Variants in SLC49A4 observed in about 807,000 individuals in gnomAD.
The protein encoded by SLC49A4 is disrupted in renal cancer protein 2.
Under a neutral mutation model 50.6 loss-of-function variants are expected in SLC49A4, and 36 were observed. The ratio of observed to expected loss-of-function variants is 0.71; its 90% CI spans 0.55 to 0.94. SLC49A4 has a LOEUF of 0.94. Among genes scored for constraint, SLC49A4 ranks in the 40% least tolerant of loss-of-function variants. The probability of loss-of-function intolerance (pLI) is 0.00; values close to 1 mark genes in which losing one functional copy is unlikely to be tolerated. For missense variants in SLC49A4, 503 were observed against 605.7 expected (o/e 0.83, Z 1.78); for synonymous variants, 248 against 241.2 (o/e 1.03, Z -0.26).
chr3:122,844,797 AT>A lies in SLC49A4; in HGVS notation c.834-963del, dbSNP rs1486204539. On this transcript the variant is annotated intron_variant, in intron 4 of 8. Transcript: ENST00000261038. ...AACTCCATCTTCAAAAAAAAAAAAA[AT>A]TTCAAGAAGCTTGAATTTATTAACT... 2.0e-5 allele frequency among the ~76,000 whole-genome samples: 3 copies of A among 151,828 alleles called. No homozygotes were observed. The East Asian group carries it at 5.8e-4, about 29-fold the overall frequency.
chr3:122,818,668 G>A (rs1276786504), intron 2 of SLC49A4, among the ~76,000 whole-genome samples: 2 of 152,266 alleles, frequency 1.3e-5, no homozygotes, highest in East Asian at 3.9e-4. Context: ...GAGAAACTGG[G>A]CTTGTTGGCT....
At chr3:122,858,923 T>A (rs1254178172) in intron 6 of SLC49A4, among the ~76,000 whole-genome samples, 2 of 152,198 alleles carry the variant, frequency 1.3e-5, no homozygotes. Context: ...CCCTTTAGTT[T>A]CATGAAAACT....
At chr3:122,835,560 A>T (rs1936669099) in intron 4 of SLC49A4, among the ~76,000 whole-genome samples, 1 of 152,058 alleles carries the variant, frequency 6.6e-6, no homozygotes, top group South Asian at 2.1e-4. Context: ...GCATCTCTTT[A>T]TGATAAAAAA....
intron 8 of SLC49A4, among the ~76,000 whole-genome samples, chr3:122,873,147 G>A (rs16833623): frequency 0.024 from 3,699 of 151,996 alleles, 138 homozygotes; most frequent in African/African-American, 0.082. Flanking sequence ...AATAATAACC[G>A]TGCTAACCTC....
At chr3:122,816,759 A>T (rs962505222) in intron 2 of SLC49A4, among the ~76,000 whole-genome samples, 28 of 152,162 alleles carry the variant, frequency 1.8e-4, no homozygotes, top group African/African-American at 6.5e-4. Flanking sequence ...TTGACAGTAT[A>T]GTCAACAGCC....
chr3:122,817,469 T>C (rs1031352353), intron 2 of SLC49A4, among the ~76,000 whole-genome samples: 10 of 152,350 alleles, frequency 6.6e-5, no homozygotes, highest in African/African-American at 2.4e-4. Flanking sequence ...GTATGTATTA[T>C]TTTAACCACT....
At chr3:122,795,908 T>TG (rs1488808568) in intron 1 of SLC49A4, among the ~76,000 whole-genome samples, 1 of 152,092 alleles carries the variant, frequency 6.6e-6, no homozygotes, top group Non-Finnish European at 1.5e-5. Flanking sequence ...ATGGGGATGT[T>TG]GAGGATGAAA....
At chr3:122,851,858 T>C (rs1213021619) in intron 5 of SLC49A4, among the ~76,000 whole-genome samples, 1 of 152,198 alleles carries the variant, frequency 6.6e-6, no homozygotes, top group Non-Finnish European at 1.5e-5. Flanking sequence ...CATATTCTTT[T>C]TCCTTTCTAT....
At chr3:122,821,064 A>G (rs965777442) in intron 2 of SLC49A4, among the ~76,000 whole-genome samples, 39 of 152,282 alleles carry the variant, frequency 2.6e-4, no homozygotes, top group African/African-American at 7.9e-4. Context: ...TGATGGTTTT[A>G]TAAAGGGCAT....
At chr3:122,811,939 A>C (rs139733594) in intron 2 of SLC49A4, among the ~76,000 whole-genome samples, 22 of 152,136 alleles carry the variant, frequency 1.4e-4, no homozygotes, top group African/African-American at 5.1e-4. Flanking sequence ...ACTTTTGGGA[A>C]TATTTTTACC....
At chr3:122,802,542 C>CAGTT (rs1483607561) in intron 1 of SLC49A4, among the ~76,000 whole-genome samples, 3 of 152,208 alleles carry the variant, frequency 2.0e-5, no homozygotes, top group Non-Finnish European at 2.9e-5. Context: ...GCAGGCAGAA[C>CAGTT]AGTTCCCCAG....
chr3:122,818,948 C>T (rs1242877353), intron 2 of SLC49A4, among the ~76,000 whole-genome samples: 1 of 150,240 alleles, frequency 6.7e-6, no homozygotes, highest in African/African-American at 2.5e-5. Context: ...TTCTGTCCCC[C>T]CCAAAAAAAA....
At chr3:122,831,103 A>C (rs1936602851) in intron 3 of SLC49A4, among the ~76,000 whole-genome samples, 2 of 152,094 alleles carry the variant, frequency 1.3e-5, no homozygotes, top group African/African-American at 4.8e-5. Context: ...GGATTGCTAG[A>C]ATCAATAAAA....
Position 122,832,807 on chromosome 3 carries a change from T to G in SLC49A4, c.704-510T>G, listed in dbSNP as rs575030844. Among the ~76,000 whole-genome samples, 7 of 152,310 alleles carry G rather than the reference T, an allele frequency of 4.6e-5. No homozygotes were observed. The South Asian group carries it at 1.4e-3, about 32-fold the overall frequency. ...CCTCTTTACCAATTACTTGTTGAAA[T>G]TTATATTTTTATATATTCAATTTTG... On this transcript the variant is annotated intron_variant, in intron 3 of 8. Transcript: ENST00000261038.
intron 2 of SLC49A4, among the ~76,000 whole-genome samples, chr3:122,813,699 T>C (rs1936329455): frequency 6.6e-6 from 1 of 152,222 alleles, no homozygotes; most frequent in African/African-American, 2.4e-5. Context: ...CAATTAAAAC[T>C]TTATCTGCAA....
chr3:122,871,758 C>T (rs1937199553), intron 7 of SLC49A4, among the ~76,000 whole-genome samples: 1 of 151,966 alleles, frequency 6.6e-6, no homozygotes, highest in Non-Finnish European at 1.5e-5. Flanking sequence ...GAATAATATC[C>T]TTATTCAATA....
intron 2 of SLC49A4, among the ~76,000 whole-genome samples, chr3:122,817,710 A>G (rs2107561639): frequency 6.9e-6 from 1 of 145,018 alleles, no homozygotes; most frequent in South Asian, 2.2e-4. Flanking sequence ...CTTCACAAGT[A>G]CCTGGAACTA....
At chr3:122,798,634 CTTTTT>C (rs71136594) in intron 1 of SLC49A4, among the ~76,000 whole-genome samples, 1 of 62,826 alleles carries the variant, frequency 1.6e-5, no homozygotes, top group Non-Finnish European at 2.7e-5. Flanking sequence ...ACTAAAATAT[CTTTTT>C]TTTTTTTTTT....
At chr3:122,813,240 CA>C (rs71621692) in intron 2 of SLC49A4, among the ~76,000 whole-genome samples, 14,663 of 85,174 alleles carry the variant, frequency 0.17, 647 homozygotes, top group East Asian at 0.23. Context: ...GACTCTGTCT[CA>C]AAAAAAAAAA....
Sources: gnomAD v4.1 joint callset for allele counts (sites outside exome capture counted in the v4.1 genomes callset) on GRCh38, gnomAD v4.1.1 for gene constraint, MANE v1.5 for transcripts, NCBI Gene and HGNC (gene_info 2026-07-23, HGNC 2026-07-21) for gene names.